The following BCAS3 variants were observed in gnomAD, a reference collection of about 807,000 sequenced individuals.
The protein encoded by BCAS3 is BCAS4/BCAS3 fusion.
BCAS3 carries 53 observed loss-of-function variants against 116.1 expected under a neutral mutation model. The observed-to-expected ratio is 0.46, with a 90% CI of 0.37 to 0.57. BCAS3 has a LOEUF of 0.57. Among genes scored for constraint, BCAS3 ranks in the 20% least tolerant of loss-of-function variants. BCAS3 has a pLI of 0.00. For synonymous variants in BCAS3, 391 were observed against 408.2 expected, an observed-to-expected ratio of 0.96 and a Z score of 0.51; for missense variants, 917 against 1,165.4, an observed-to-expected ratio of 0.79 and a Z score of 3.10.
chr17:61,214,989 A>G lies in BCAS3; in HGVS notation c.2425+130425A>G, dbSNP rs1171352474. Among the ~76,000 whole-genome samples, 1 of 152,228 alleles carries G rather than the reference A, an allele frequency of 6.6e-6. No individual in the cohort carries two copies. The highest frequency in any genetic ancestry group is 1.5e-5 in the Non-Finnish European group (1 of 68,052). The stretch of plus-strand genomic sequence containing the variant: ...GAAATACAGCCTCTATATACCTCTT[A>G]CACCCACTAGATAGAACTAATCAGG... On this transcript the variant is annotated intron_variant, in intron 22 of 23. Coordinates refer to ENST00000407086, the MANE Select transcript of BCAS3 (RefSeq NM_017679.5). The surrounding 1 kb of genome is among the most constrained non-coding windows in gnomAD (Gnocchi z 4.4).
intron 22 of BCAS3, among the ~76,000 whole-genome samples, chr17:61,176,164 A>G (rs1209772345): frequency 1.3e-5 from 2 of 149,722 alleles, no homozygotes; most frequent in Admixed American, 6.6e-5. Flanking sequence ...AAAAAAAAGA[A>G]AAAGAAAAAG....
chr17:61,064,804 CT>C (rs2070438778), intron 19 of BCAS3, among the ~76,000 whole-genome samples: 1 of 152,130 alleles, frequency 6.6e-6, no homozygotes, highest in Non-Finnish European at 1.5e-5. Flanking sequence ...ATCTATGGTA[CT>C]ACAGGGTCAG....
At chr17:60,886,516 A>G (rs1242598691) in intron 9 of BCAS3, 6 of 151,882 alleles carry the variant, frequency 4.0e-5, no homozygotes, top group Non-Finnish European at 7.4e-5. Context: ...AGGAGGAGAG[A>G]CCCTCTGCGT....
chr17:61,099,667 A>C (rs899327528), intron 22 of BCAS3, among the ~76,000 whole-genome samples: 1 of 152,210 alleles, frequency 6.6e-6, no homozygotes, highest in Non-Finnish European at 1.5e-5. Context: ...TTAGCATGGA[A>C]ATTTTTGTTT....
intron 6 of BCAS3, among the ~76,000 whole-genome samples, chr17:60,778,223 A>G (rs778555350): frequency 1.1e-4 from 16 of 151,766 alleles, no homozygotes; most frequent in Non-Finnish European, 2.4e-4. Context: ...CTGAGAACTT[A>G]GTAAATCTGT....
chr17:61,147,707 C>T (rs575318234), intron 22 of BCAS3, among the ~76,000 whole-genome samples: 4 of 151,760 alleles, frequency 2.6e-5, no homozygotes, highest in Admixed American at 6.6e-5. Flanking sequence ...TAAGTTGGGG[C>T]GGGGCACCGT....
chr17:60,833,803 C>T (rs1178684245), intron 7 of BCAS3, among the ~76,000 whole-genome samples: 1 of 152,156 alleles, frequency 6.6e-6, no homozygotes, highest in East Asian at 1.9e-4. Context: ...CAACATTTGG[C>T]TTTGTCATTT....
At chr17:61,373,701 G>A (rs1164919142) in intron 23 of BCAS3, among the ~76,000 whole-genome samples, 4 of 136,544 alleles carry the variant, frequency 2.9e-5, no homozygotes, top group Admixed American at 8.0e-5. Context: ...CAAAGTGCTG[G>A]GATTACAGGC....
At chr17:60,904,455 C>G (rs894621506) in intron 11 of BCAS3, among the ~76,000 whole-genome samples, 1 of 151,926 alleles carries the variant, frequency 6.6e-6, no homozygotes, top group African/African-American at 2.4e-5. Context: ...TGCAAACTCC[C>G]CATTTTCTCA....
chr17:61,223,151 C>CTTTTTTTTTTTTTTTTT (rs34499099), intron 22 of BCAS3, among the ~76,000 whole-genome samples: 1 of 79,064 alleles, frequency 1.3e-5, no homozygotes, highest in Non-Finnish European at 2.2e-5. Flanking sequence ...GATGCAGCGC[C>CTTTTTTTTTTTTTTTTT]TTTTTTTTTT....
At chr17:60,695,891 C>T (rs1038060911) in intron 4 of BCAS3, among the ~76,000 whole-genome samples, 3 of 152,168 alleles carry the variant, frequency 2.0e-5, no homozygotes, top group African/African-American at 4.8e-5. Flanking sequence ...AGCCACTGTA[C>T]TTGGGCTCAT....
intron 12 of BCAS3, among the ~76,000 whole-genome samples, chr17:60,914,900 T>C (rs1427729276): frequency 6.6e-6 from 1 of 152,162 alleles, no homozygotes; most frequent in African/African-American, 2.4e-5. Context: ...TAGTTAAGTA[T>C]TGGAGGAGGG....
intron 22 of BCAS3, among the ~76,000 whole-genome samples, chr17:61,173,251 A>G (rs1378647570): frequency 2.0e-5 from 3 of 152,014 alleles, no homozygotes; most frequent in Non-Finnish European, 4.4e-5. Context: ...AGGAGTTGAC[A>G]CCAGCCTGGC....
chr17:61,365,886 G>A lies in BCAS3; in HGVS notation c.2426-2441G>A, dbSNP rs1277464855. Among the ~76,000 whole-genome samples, 1 of 150,320 alleles carries A rather than the reference G, an allele frequency of 6.7e-6. No individual in the cohort carries two copies. Among genetic ancestry groups the A allele is most frequent in the Non-Finnish European group, 1.5e-5 (1 of 67,670 alleles). On this transcript the variant is annotated intron_variant, in intron 22 of 23. Coordinates refer to ENST00000407086, the MANE Select transcript of BCAS3 (RefSeq NM_017679.5). This position sits in a 1 kb window ranked among gnomAD's most constrained non-coding sequence, Gnocchi z 4.6. ...AGCCAGGTGCGGTGGCTCACACCTG[G>A]AATCCCAGCACTTTGGGAGGCCAAG...
Position 61,391,793 on chromosome 17 carries a change from C to T in BCAS3, c.2594-184C>T. The T allele has an allele frequency of 3.1e-6, 2 of 652,404 alleles. No individual in the cohort carries two copies. The highest frequency in any genetic ancestry group is 5.3e-6 in the Non-Finnish European group (2 of 375,956). The allele number at this position is 652,404 out of a possible 1,614,324, so 40.4% of individuals were successfully genotyped here. ...TGCCAGCCAGGGGGCTTTCCCTCCCCTGGCTGAGCCTTCCTGTGACCTGAG... is the reference window on the plus strand; with the variant it reads ...TGCCAGCCAGGGGGCTTTCCCTCCCTTGGCTGAGCCTTCCTGTGACCTGAG... On this transcript the variant is annotated intron_variant, in intron 23 of 23. Transcript: ENST00000407086. This position sits in a 1 kb window ranked among gnomAD's most constrained non-coding sequence, Gnocchi z 7.7.
At chr17:61,277,933 A>G (rs979017036) in intron 22 of BCAS3, among the ~76,000 whole-genome samples, 2 of 152,244 alleles carry the variant, frequency 1.3e-5, no homozygotes, top group African/African-American at 4.8e-5. Context: ...CAAACTGGCA[A>G]TTTCTCAGAT....
intron 14 of BCAS3, among the ~76,000 whole-genome samples, chr17:60,988,577 T>C (rs140331525): frequency 1.3e-5 from 2 of 152,000 alleles, no homozygotes; most frequent in African/African-American, 4.8e-5. Flanking sequence ...GCATTACTTG[T>C]TACTGGTTTA....
chr17:61,002,542 A>T (rs1429777065), intron 15 of BCAS3: 3 of 152,150 alleles, frequency 2.0e-5, no homozygotes, highest in Non-Finnish European at 4.4e-5. Context: ...ATCAGATCTT[A>T]AATAGCCTTT....
At position 61,257,420 on chromosome 17, in the gene BCAS3, C is replaced by CAAAAA. The variant is rs35124459; in HGVS notation, c.2426-110888_2426-110884dup. Among the ~76,000 whole-genome samples the CAAAAA allele has an allele frequency of 5.2e-5, 3 of 57,232 alleles. 1 individual carries two copies. The highest frequency in any genetic ancestry group is 3.2e-5 in the Non-Finnish European group (1 of 31,202). 37.5% of individuals were successfully genotyped at this position (57,232 alleles called of 152,430 possible). A position where few individuals can be genotyped will look rare whatever the true frequency, so the allele number is the denominator to read the frequency against. ...TGGGAGACAGAGCGAGACTCCATCT[C>CAAAAA]AAAAAAAAAAAAAAAAAAAAAAAGG... On this transcript the variant is annotated intron_variant, in intron 22 of 23. Transcript: ENST00000407086.
Sources: allele counts gnomAD v4.1 joint callset (sites outside exome capture counted in the v4.1 genomes callset), GRCh38; gene constraint gnomAD v4.1.1; non-coding constraint Gnocchi (gnomAD v3.1); transcripts MANE v1.5; gene names NCBI Gene and HGNC (gene_info 2026-07-23, HGNC 2026-07-21).